The following DLG2 variants were observed in gnomAD, a reference collection of about 807,000 sequenced individuals.
The protein encoded by DLG2 is discs large MAGUK scaffold protein 2, also known as disks large homolog 2.
DLG2 carries 45 observed loss-of-function variants against 132.5 expected under a neutral mutation model. The ratio of observed to expected loss-of-function variants is 0.34; its 90% CI spans 0.27 to 0.44. The LOEUF is 0.44. Among genes scored for constraint, DLG2 ranks in the 20% least tolerant of loss-of-function variants. The probability of loss-of-function intolerance (pLI) is 1.00; values close to 1 mark genes in which losing one functional copy is unlikely to be tolerated. For missense variants in DLG2, 1,045 were observed against 1,196.9 expected, an observed-to-expected ratio of 0.87 and a Z score of 1.87; for synonymous variants, 424 against 419.6, an observed-to-expected ratio of 1.01 and a Z score of -0.13.
intron 3 of DLG2, among the ~76,000 whole-genome samples, chr11:85,383,717 G>A (rs953863568): frequency 5.9e-5 from 9 of 152,086 alleles, no homozygotes; most frequent in African/African-American, 1.9e-4. Flanking sequence ...TTCAGAAAAA[G>A]AATACTTCAA....
intron 10 of DLG2, among the ~76,000 whole-genome samples, chr11:84,084,736 C>T (rs2096951754): frequency 6.6e-6 from 1 of 152,016 alleles, no homozygotes; most frequent in Admixed American, 6.6e-5. Context: ...TTAATTTATT[C>T]TATTGATACA....
At position 83,877,612 on chromosome 11, in the gene DLG2, G is replaced by T. The variant is rs1281704957; in HGVS notation, c.1497-3124C>A. On this transcript the variant is annotated intron_variant, in intron 15 of 27. Coordinates refer to ENST00000376104, the MANE Select transcript of DLG2 (RefSeq NM_001142699.3). ...CAAATGGTACCCTGAGGTGCACAGA[G>T]AATTTGACTCCTTTTATATTACACA... Among the ~76,000 whole-genome samples the T allele has an allele frequency of 2.0e-5, 3 of 152,138 alleles. No individual in the cohort carries two copies. The East Asian group carries it at 5.8e-4, about 29-fold the overall frequency.
intron 6 of DLG2, among the ~76,000 whole-genome samples, chr11:84,542,693 G>C (rs1027845433): frequency 4.6e-5 from 7 of 152,074 alleles, no homozygotes; most frequent in African/African-American, 1.7e-4. Context: ...ATTTCAAAGG[G>C]ATCCCTAAGG....
In DLG2 at chr11:83,962,943, A is replaced by T; in HGVS notation, c.1282T>A (p.Ser428Thr). The T allele has an allele frequency of 6.2e-7, 1 of 1,613,092 alleles. No homozygotes were observed. The highest frequency in any genetic ancestry group is 8.5e-7 in the Non-Finnish European group (1 of 1,179,280). The change falls in exon 14 of 28, where the codon TCT becomes ACT. Residue 428 changes from serine to threonine, a missense_variant. Transcript: ENST00000376104. ...GGAATTGGTGAGTACCTTCCTGGAG[A>T]GATGGGTGGCAGGGAGGTTTTATAT... ...LEYKTSLPPISPGRYSPIPKH... is the reference protein window; with the variant it reads ...LEYKTSLPPITPGRYSPIPKH...
intron 7 of DLG2, among the ~76,000 whole-genome samples, chr11:84,443,056 T>C (rs2099022390): frequency 1.3e-5 from 2 of 152,232 alleles, no homozygotes; most frequent in Middle Eastern, 3.4e-3. Flanking sequence ...GAAAAAAAGA[T>C]TCCAAATAAT....
At chr11:83,488,478 A>C (rs2093655688) in intron 21 of DLG2, among the ~76,000 whole-genome samples, 3 of 151,972 alleles carry the variant, frequency 2.0e-5, no homozygotes, top group African/African-American at 7.2e-5. Context: ...AAAACAAAAA[A>C]CTCAAATTAT....
chr11:85,055,120 T>A (rs2063318214), intron 6 of DLG2, among the ~76,000 whole-genome samples: 1 of 152,126 alleles, frequency 6.6e-6, no homozygotes, highest in Non-Finnish European at 1.5e-5. Flanking sequence ...GATGAATGAG[T>A]GACTTCAGAC....
intron 6 of DLG2, among the ~76,000 whole-genome samples, chr11:85,006,410 T>G (rs746419542): frequency 1.3e-5 from 2 of 152,230 alleles, no homozygotes; most frequent in Non-Finnish European, 2.9e-5. Context: ...TCAGAACTTG[T>G]TATTGGCCTA....
intron 18 of DLG2, among the ~76,000 whole-genome samples, chr11:83,712,994 A>G (rs1440314166): frequency 1.3e-5 from 2 of 151,548 alleles, no homozygotes; most frequent in Admixed American, 6.6e-5. Flanking sequence ...AAGAAAGAAA[A>G]TAAAAAAAAA....
chr11:84,447,698 C>A (rs1002685915), intron 7 of DLG2, among the ~76,000 whole-genome samples: 2 of 151,502 alleles, frequency 1.3e-5, no homozygotes, highest in Admixed American at 1.3e-4. Flanking sequence ...GAGAATCTTT[C>A]CAGAGCCTCA....
chr11:85,542,327 C>A (rs780144979), intron 3 of DLG2, among the ~76,000 whole-genome samples: 5 of 152,070 alleles, frequency 3.3e-5, no homozygotes, highest in Non-Finnish European at 7.4e-5. Context: ...AGAACTCCCC[C>A]ACGGACCAAC....
chr11:84,491,972 G>C (rs574351977), intron 7 of DLG2, among the ~76,000 whole-genome samples: 32 of 152,172 alleles, frequency 2.1e-4, no homozygotes, highest in East Asian at 1.4e-3. Context: ...TTGCATTGTA[G>C]AGATTGTTGC....
intron 3 of DLG2, among the ~76,000 whole-genome samples, chr11:85,305,225 T>C (rs1008681474): frequency 6.6e-6 from 1 of 152,218 alleles, no homozygotes; most frequent in Non-Finnish European, 1.5e-5. Context: ...TCTTTAAATG[T>C]CACAGGCTAT....
At chr11:84,142,846 T>C (rs1319720093) in intron 9 of DLG2, among the ~76,000 whole-genome samples, 1 of 152,142 alleles carries the variant, frequency 6.6e-6, no homozygotes, top group Admixed American at 6.6e-5. Flanking sequence ...TACCACTGAC[T>C]TTCTTAGTTC....
At chr11:83,488,399 G>C (rs903478060) in intron 21 of DLG2, among the ~76,000 whole-genome samples, 2 of 151,988 alleles carry the variant, frequency 1.3e-5, no homozygotes, top group Non-Finnish European at 2.9e-5. Flanking sequence ...TGCCCAGCCT[G>C]ACTCTGAGAT....
chr11:84,761,114 T>A (rs1019725018), intron 6 of DLG2, among the ~76,000 whole-genome samples: 1 of 152,082 alleles, frequency 6.6e-6, no homozygotes, highest in African/African-American at 2.4e-5. Flanking sequence ...TGTCTGAAAA[T>A]GGGAAAGCTG....
chr11:84,785,165 T>C (rs2072647801), intron 6 of DLG2, among the ~76,000 whole-genome samples: 1 of 151,988 alleles, frequency 6.6e-6, no homozygotes, highest in Non-Finnish European at 1.5e-5. Flanking sequence ...GGTTTGCATG[T>C]CTCTTACGTT....
At chr11:85,177,545 T>A (rs958806595) in intron 4 of DLG2, among the ~76,000 whole-genome samples, 2 of 151,856 alleles carry the variant, frequency 1.3e-5, no homozygotes, top group Non-Finnish European at 2.9e-5. Flanking sequence ...AGGGAGAGCA[T>A]CAGGAAGAAA....
intron 9 of DLG2, among the ~76,000 whole-genome samples, chr11:84,104,391 A>C (rs757750119): frequency 2.6e-5 from 4 of 152,104 alleles, no homozygotes; most frequent in African/African-American, 4.8e-5. Context: ...GAACATAAAG[A>C]TGGGGACAAT....
Sources: gnomAD v4.1 joint callset for allele counts (sites outside exome capture counted in the v4.1 genomes callset) on GRCh38, gnomAD v4.1.1 for gene constraint, MANE v1.5 for transcripts, NCBI Gene and HGNC (gene_info 2026-07-23, HGNC 2026-07-21) for gene names.